PHIP: variants seen among roughly 807,000 people sequenced by gnomAD.
The protein encoded by PHIP is PH-interacting protein.
Under a neutral mutation model 236.8 loss-of-function variants are expected in PHIP, and 54 were observed. The observed-to-expected ratio is 0.23, with a 90% confidence interval of 0.18 to 0.29. PHIP has a LOEUF of 0.29. Ranked by LOEUF, PHIP falls within the 10% of genes least tolerant of loss-of-function variation. PHIP has a pLI of 1.00. For synonymous variants in PHIP, 756 were observed against 718.9 expected (o/e 1.05, Z -0.83); for missense variants, 1,370 against 2,190.8 (o/e 0.63, Z 7.48).
chr6:78,952,879 A>G (rs1343647204), intron 35 of PHIP, among the ~76,000 whole-genome samples: 2 of 151,968 alleles, frequency 1.3e-5, no homozygotes, highest in Non-Finnish European at 2.9e-5. Flanking sequence ...GGTGGTACAT[A>G]TAACAACAGT....
intron 35 of PHIP, among the ~76,000 whole-genome samples, chr6:78,950,737 G>C (rs1479840856): frequency 6.6e-6 from 1 of 152,020 alleles, no homozygotes; most frequent in Non-Finnish European, 1.5e-5. Context: ...CTCTTTATAA[G>C]CTGTGTAAAT....
At chr6:79,070,770 C>T (rs1055331984) in intron 4 of PHIP, among the ~76,000 whole-genome samples, 3 of 152,194 alleles carry the variant, frequency 2.0e-5, no homozygotes, top group Admixed American at 2.0e-4. Flanking sequence ...CTCCTGCACA[C>T]TTTAAATCAT....
intron 7 of PHIP, among the ~76,000 whole-genome samples, chr6:79,029,245 C>T (rs1032721832): frequency 6.6e-6 from 1 of 152,172 alleles, no homozygotes; most frequent in Non-Finnish European, 1.5e-5. Flanking sequence ...GCTGCCCCTA[C>T]CCCTAATTCT....
chr6:79,030,707 T>C (rs1420782960), intron 7 of PHIP, among the ~76,000 whole-genome samples: 3 of 152,154 alleles, frequency 2.0e-5, no homozygotes, highest in Non-Finnish European at 4.4e-5. Flanking sequence ...TGTTATCAGT[T>C]TATACCATAG....
intron 35 of PHIP, among the ~76,000 whole-genome samples, chr6:78,949,046 C>G (rs1287433709): frequency 6.6e-6 from 1 of 152,106 alleles, no homozygotes; most frequent in Non-Finnish European, 1.5e-5. Context: ...TGAGAGTGAA[C>G]ATTTTTCAGT....
intron 6 of PHIP, among the ~76,000 whole-genome samples, chr6:79,054,348 A>C (rs1211350859): frequency 4.6e-5 from 7 of 151,446 alleles, no homozygotes; most frequent in South Asian, 2.1e-4. Context: ...AAACCAAAAA[A>C]AAAAAAGCGA....
intron 20 of PHIP, among the ~76,000 whole-genome samples, chr6:78,988,908 C>T (rs1769038650): frequency 6.6e-6 from 1 of 152,070 alleles, no homozygotes; most frequent in Non-Finnish European, 1.5e-5. Context: ...AAATGGGGAT[C>T]ATAAAGCTAC....
intron 9 of PHIP, among the ~76,000 whole-genome samples, chr6:79,022,092 G>A (rs1771146390): frequency 6.6e-6 from 1 of 152,100 alleles, no homozygotes; most frequent in African/African-American, 2.4e-5. Context: ...TTTGTTTTTA[G>A]ATGCATTATT....
At chr6:79,052,186 A>G (rs530470318) in intron 6 of PHIP, among the ~76,000 whole-genome samples, 2 of 152,292 alleles carry the variant, frequency 1.3e-5, no homozygotes, top group South Asian at 4.1e-4. Context: ...TGAGGGGTGG[A>G]TATCTGGGAG....
chr6:79,061,729 A>G (rs767747622), intron 4 of PHIP, among the ~76,000 whole-genome samples: 1 of 152,082 alleles, frequency 6.6e-6, no homozygotes, highest in Admixed American at 6.5e-5. Flanking sequence ...AGGAACTTCA[A>G]TACATTTTAG....
intron 4 of PHIP, among the ~76,000 whole-genome samples, chr6:79,065,141 A>C (rs563922520): frequency 2.0e-5 from 3 of 152,150 alleles, no homozygotes; most frequent in African/African-American, 7.2e-5. Context: ...CTGTATCTCC[A>C]TAACAGTCCA....
At chr6:78,959,524 G>T (rs1027021247) in intron 31 of PHIP, among the ~76,000 whole-genome samples, 3 of 152,008 alleles carry the variant, frequency 2.0e-5, no homozygotes, top group Non-Finnish European at 4.4e-5. Flanking sequence ...GAAGTTTCAC[G>T]AAAGAAAAAC....
chr6:79,041,900 AGAG>A (rs1772236658), intron 7 of PHIP, among the ~76,000 whole-genome samples: 1 of 152,076 alleles, frequency 6.6e-6, no homozygotes, highest in Non-Finnish European at 1.5e-5. Flanking sequence ...GTGTATGGAT[AGAG>A]GAGAAGTAGT....
chr6:78,958,566 T>C lies in PHIP; in HGVS notation c.3691A>G (p.Ile1231Val), dbSNP rs1766573428. The change falls in exon 32 of 40, where the codon ATA becomes GTA. Residue 1231 changes from isoleucine (I) to valine (V), a missense_variant. Around this residue, in one of 14 missense-constraint regions of PHIP, gnomAD observed 238 missense variants for 398.5 expected, o/e 0.60. Transcript: ENST00000275034. Reference sequence around the variant, plus strand: ...TTAAATGTTCGTGTATTATGCTCTATATATCGAACTTCCCACATTAGGGAA... The same window carrying C: ...TTAAATGTTCGTGTATTATGCTCTACATATCGAACTTCCCACATTAGGGAA... ...VSSLMWEVRY[I>V]EHNTRTFNEP... is the part of the protein sequence containing the mutation. The C allele has an allele frequency of 6.3e-7, 1 of 1,580,412 alleles. No individual in the cohort carries two copies. Among genetic ancestry groups the C allele is most frequent in the Non-Finnish European group, 8.7e-7 (1 of 1,151,300 alleles).
rs369182251 is a variant in PHIP at position 78,954,910 on chromosome 6, T to A, written c.3957A>T (p.Gln1319His). Residue 1319 changes from glutamine (Q) to histidine (H), a missense_variant, in exon 35 of 40, where the codon CAA becomes CAT. Gln to His is a conservative substitution (Grantham distance 24). Coordinates refer to ENST00000275034, the MANE Select transcript of PHIP (RefSeq NM_017934.7). The part of the protein sequence containing the change: ...LRNRAQSYDI[Q>H]AWKKQCEELL... ...ATTCTTCACACTGTTTCTTCCATGC[T>A]TGAATATCGTAAGACTGGGCTCTAT... 62 of 1,588,456 alleles carry A rather than the reference T, an allele frequency of 3.9e-5. No homozygotes were observed. The highest frequency in any genetic ancestry group is 1.7e-4 in the Middle Eastern group (1 of 6,032).
At chr6:78,985,317 T>C (rs1768795480) in intron 22 of PHIP, 35 bp downstream of exon 22, 1 of 1,167,192 alleles carries the variant, frequency 8.6e-7, no homozygotes, top group South Asian at 1.3e-5. Context: ...AAAGACTTTA[T>C]ATAACATTTG....
At chr6:78,998,652 G>C (rs1482646476) in intron 17 of PHIP, among the ~76,000 whole-genome samples, 1 of 152,122 alleles carries the variant, frequency 6.6e-6, no homozygotes, top group Non-Finnish European at 1.5e-5. Context: ...TAATCCGTAT[G>C]GTAACTCCAT....
intron 9 of PHIP, among the ~76,000 whole-genome samples, chr6:79,019,542 A>C (rs1241877842): frequency 6.6e-6 from 1 of 152,142 alleles, no homozygotes; most frequent in East Asian, 1.9e-4. Context: ...TTAGCAAAAT[A>C]GGTGCTGTCT....
chr6:78,964,587 G>T (rs1341390219), intron 29 of PHIP, among the ~76,000 whole-genome samples: 3 of 152,128 alleles, frequency 2.0e-5, no homozygotes, highest in Non-Finnish European at 4.4e-5. Context: ...CCGCCTCCCA[G>T]GTTCAAGTAA....
Sources: gnomAD v4.1 joint callset for allele counts (sites outside exome capture counted in the v4.1 genomes callset) on GRCh38, gnomAD v4.1.1 for gene constraint, gnomAD v4.1.1 regional missense constraint, MANE v1.5 for transcripts, NCBI Gene and HGNC (gene_info 2026-07-23, HGNC 2026-07-21) for gene names.